MGAT4C: variants seen among roughly 807,000 people sequenced by gnomAD.
MGAT4C encodes alpha-1,3-mannosyl-glycoprotein 4-beta-N-acetylglucosaminyltransferase C.
Under a neutral mutation model 40.1 loss-of-function variants are expected in MGAT4C, and 19 were observed. The observed-to-expected ratio is 0.47, with a 90% CI of 0.33 to 0.70. The LOEUF is 0.70. Ranked by LOEUF, MGAT4C falls within the 30% of genes least tolerant of loss-of-function variation. The pLI, the probability that MGAT4C is intolerant of heterozygous loss-of-function variation, is 0.02. For synonymous variants in MGAT4C, 181 were observed against 187.1 expected (o/e 0.97, Z 0.27); for missense variants, 491 against 563.2 (o/e 0.87, Z 1.30).
At position 85,960,260 on chromosome 12, in the gene MGAT4C, A is replaced by C. The variant is rs904359687; in HGVS notation, c.*19029T>G. The C allele has an allele frequency of 5.9e-5, 9 of 152,062 alleles. No homozygotes were observed. The highest frequency in any genetic ancestry group is 2.2e-4 in the African/African-American group (9 of 41,466). 9.4% of individuals were successfully genotyped at this position (152,062 alleles called of 1,614,324 possible). On this transcript the variant is annotated 3_prime_UTR_variant, in exon 5 of 5. Transcript: ENST00000611864. The stretch of plus-strand genomic sequence containing the variant: ...TCTTATCCCCTTGTTATACAGACAA[A>C]GATGACAAGGGCCGAAAAGGAAGTG...
At chr12:86,278,702 T>C (rs971275553) in intron 4 of MGAT4C, among the ~76,000 whole-genome samples, 1 of 152,170 alleles carries the variant, frequency 6.6e-6, no homozygotes, top group African/African-American at 2.4e-5. Flanking sequence ...CTTTCTTTTT[T>C]CTGATTGCTT....
intron 1 of MGAT4C, among the ~76,000 whole-genome samples, chr12:86,804,084 C>G (rs895889191): frequency 8.7e-5 from 13 of 148,960 alleles, no homozygotes; most frequent in African/African-American, 3.2e-4. Context: ...TACTATGCAG[C>G]CATAAAAAAT....
chr12:86,703,494 C>A (rs1371797165), intron 2 of MGAT4C, among the ~76,000 whole-genome samples: 7 of 152,136 alleles, frequency 4.6e-5, no homozygotes, highest in African/African-American at 1.7e-4. Context: ...AACATTGAGG[C>A]AAGACCTTCC....
chr12:86,587,361 T>A lies in MGAT4C; in HGVS notation c.-229+139848A>T, dbSNP rs564869994. 4.6e-4 allele frequency among the ~76,000 whole-genome samples: 70 copies of A among 152,228 alleles called. 1 individual carries two copies. Among genetic ancestry groups the A allele is most frequent in the African/African-American group, 1.4e-3 (59 of 41,558 alleles). ...TGCTGTTTTGGTTACTGTAGCCTTGTAGTATAGTTTGAAGTCAGGTAGTGT... is the reference window on the plus strand; with the variant it reads ...TGCTGTTTTGGTTACTGTAGCCTTGAAGTATAGTTTGAAGTCAGGTAGTGT... On this transcript the variant is annotated intron_variant, in intron 2 of 7. Transcript: ENST00000548651.
At chr12:86,089,648 A>G (rs1336130467) in intron 1 of MGAT4C, among the ~76,000 whole-genome samples, 1 of 151,688 alleles carries the variant, frequency 6.6e-6, no homozygotes, top group Non-Finnish European at 1.5e-5. Flanking sequence ...AAAATTATTC[A>G]TCTTTTTACC....
chr12:86,633,112 TAC>T (rs531940430), intron 2 of MGAT4C, among the ~76,000 whole-genome samples: 18,248 of 151,858 alleles, frequency 0.12, 1,805 homozygotes, highest in African/African-American at 0.28. Context: ...TTCTGCCACA[TAC>T]GACCATAATT....
At chr12:86,768,175 G>C (rs901948171) in intron 1 of MGAT4C, among the ~76,000 whole-genome samples, 2 of 152,086 alleles carry the variant, frequency 1.3e-5, no homozygotes, top group Non-Finnish European at 2.9e-5. Flanking sequence ...AAAGTCTCAG[G>C]ATACAAAATC....
chr12:86,204,504 A>G (rs1422114745), intron 1 of MGAT4C, among the ~76,000 whole-genome samples: 1 of 152,178 alleles, frequency 6.6e-6, no homozygotes, highest in African/African-American at 2.4e-5. Flanking sequence ...TTATAAAATT[A>G]AGCAAATATA....
chr12:86,273,042 G>T (rs1446456750), intron 4 of MGAT4C, among the ~76,000 whole-genome samples: 1 of 151,992 alleles, frequency 6.6e-6, no homozygotes, highest in African/African-American at 2.4e-5. Flanking sequence ...AAAAAAATAG[G>T]AGACTTTTTG....
At chr12:86,647,155 T>C (rs562423223) in intron 2 of MGAT4C, among the ~76,000 whole-genome samples, 43 of 152,020 alleles carry the variant, frequency 2.8e-4, no homozygotes, top group African/African-American at 1.0e-3. Context: ...ACAAGCTGAC[T>C]GCAGTCCCAT....
chr12:86,074,620 G>A (rs1361195965), intron 1 of MGAT4C, among the ~76,000 whole-genome samples: 2 of 152,018 alleles, frequency 1.3e-5, no homozygotes, highest in African/African-American at 4.8e-5. Context: ...GTATTAGCTT[G>A]TTTTCATGCT....
At chr12:86,725,150 T>A (rs1336895232) in intron 2 of MGAT4C, among the ~76,000 whole-genome samples, 3 of 152,210 alleles carry the variant, frequency 2.0e-5, no homozygotes, top group Non-Finnish European at 4.4e-5. Flanking sequence ...TTATTTGCTT[T>A]ATTATATGCT....
chr12:86,361,678 T>C (rs960131283), intron 3 of MGAT4C, among the ~76,000 whole-genome samples: 2 of 151,984 alleles, frequency 1.3e-5, no homozygotes, highest in African/African-American at 4.8e-5. Flanking sequence ...GGGCGAAGGA[T>C]ATTAACAGAC....
At chr12:86,588,518 C>T (rs1309751195) in intron 2 of MGAT4C, among the ~76,000 whole-genome samples, 1 of 151,832 alleles carries the variant, frequency 6.6e-6, no homozygotes, top group East Asian at 1.9e-4. Flanking sequence ...AACAAGGACA[C>T]CCAGGAATTG....
chr12:86,571,587 T>C (rs1473244398), intron 2 of MGAT4C, among the ~76,000 whole-genome samples: 4 of 152,074 alleles, frequency 2.6e-5, no homozygotes, highest in Non-Finnish European at 4.4e-5. Context: ...TCTTTATGAA[T>C]ACAGTATGCG....
chr12:86,542,873 C>T (rs981557647), intron 2 of MGAT4C, among the ~76,000 whole-genome samples: 3 of 152,110 alleles, frequency 2.0e-5, no homozygotes, highest in Admixed American at 6.6e-5. Context: ...TCCCAACTTG[C>T]GCTTTGCCTT....
intron 1 of MGAT4C, among the ~76,000 whole-genome samples, chr12:86,799,901 G>T (rs1449962680): frequency 6.6e-6 from 1 of 151,854 alleles, no homozygotes; most frequent in Non-Finnish European, 1.5e-5. Flanking sequence ...ATTTGAGAGT[G>T]AGAGCATCTT....
chr12:86,038,868 A>ACCAGTTGATCCTTT (rs1260097302), intron 2 of MGAT4C, among the ~76,000 whole-genome samples: 1 of 149,900 alleles, frequency 6.7e-6, no homozygotes, highest in Non-Finnish European at 1.5e-5. Context: ...AGTGGCTGGT[A>ACCAGTTGATCCTTT]CCAGTTGATC....
Position 86,271,861 on chromosome 12 carries a change from A to T in MGAT4C, c.-57+62204T>A, listed in dbSNP as rs796809989. Among the ~76,000 whole-genome samples the T allele has an allele frequency of 4.3e-4, 65 of 152,338 alleles. 1 individual carries two copies. Among genetic ancestry groups the T allele is most frequent in the African/African-American group, 1.3e-3 (55 of 41,576 alleles). ...CTGTCATTTGCAGCAACAAGGATAGAACTGGGAGGTCATTATCTTAAGTGA... is the reference window on the plus strand; with the variant it reads ...CTGTCATTTGCAGCAACAAGGATAGTACTGGGAGGTCATTATCTTAAGTGA... On this transcript the variant is annotated intron_variant, in intron 4 of 7. Coordinates refer to the MGAT4C transcript ENST00000548651.
Sources: allele counts gnomAD v4.1 joint callset (sites outside exome capture counted in the v4.1 genomes callset), GRCh38; gene constraint gnomAD v4.1.1; transcripts MANE v1.5; gene names NCBI Gene and HGNC (gene_info 2026-07-23, HGNC 2026-07-21).